POC1A: variants seen among roughly 807,000 people sequenced by gnomAD.
POC1A encodes POC1 centriolar protein homolog A.
POC1A carries 34 observed loss-of-function variants against 47.8 expected under a neutral mutation model. The ratio of observed to expected loss-of-function variants is 0.71; its 90% CI spans 0.54 to 0.95. The LOEUF is 0.95. Among genes scored for constraint, POC1A ranks in the 40% least tolerant of loss-of-function variants. The probability of loss-of-function intolerance (pLI) is 0.00; values close to 1 mark genes in which losing one functional copy is unlikely to be tolerated. For missense variants in POC1A, 466 were observed against 528.3 expected, an observed-to-expected ratio of 0.88 and a Z score of 1.16; for synonymous variants, 177 against 207.6, an observed-to-expected ratio of 0.85 and a Z score of 1.27.
rs1315013546 is a variant in POC1A, at chr3:52,104,648, G to GTT, written c.982-7937_982-7936insAA. 3.3e-5 allele frequency among the ~76,000 whole-genome samples: 5 copies of GTT among 152,212 alleles called. No individual in the cohort carries two copies. In the East Asian group the frequency reaches 9.6e-4, roughly 29 times the overall value. ...TTACCAATGGGCCAAACCCAAGGCTGAAGACCCCAGGTGAGGCCCACAAGG... is the reference window on the plus strand; with the variant it reads ...TTACCAATGGGCCAAACCCAAGGCTGTTAAGACCCCAGGTGAGGCCCACAAGG... On this transcript the variant is annotated intron_variant, in intron 9 of 10. Coordinates refer to ENST00000296484, the MANE Select transcript of POC1A (RefSeq NM_015426.5).
chr3:52,122,216 C>T (rs2107089368), intron 9 of POC1A, among the ~76,000 whole-genome samples, 163 bp downstream of exon 9: 1 of 152,370 alleles, frequency 6.6e-6, no homozygotes, highest in South Asian at 2.1e-4. Flanking sequence ...AAACAAAGCA[C>T]CACAACTTCC....
intron 10 of POC1A, among the ~76,000 whole-genome samples, chr3:52,080,530 C>T (rs1352846888): frequency 1.3e-5 from 2 of 152,170 alleles, no homozygotes; most frequent in African/African-American, 4.8e-5. Flanking sequence ...CATGTGTCAC[C>T]TCCCCCTGAA....
intron 7 of POC1A, among the ~76,000 whole-genome samples, chr3:52,130,453 C>G (rs917124681): frequency 2.0e-5 from 3 of 152,242 alleles, no homozygotes; most frequent in African/African-American, 4.8e-5. Context: ...AGGAGGCCAT[C>G]ATAACTCCAC....
Position 52,075,785 on chromosome 3 carries a change from T to C in POC1A, c.*102A>G. ...ATCCAGGGCTCCAGTATGGATGTGA[T>C]TCCCACAGAGTTCAGTCCCCTTTAT... On this transcript the variant is annotated 3_prime_UTR_variant, in exon 11 of 11. Transcript: ENST00000296484. The C allele has an allele frequency of 9.2e-6, 8 of 868,892 alleles. No homozygotes were observed. Among genetic ancestry groups the C allele is most frequent in the African/African-American group, 1.6e-5 (1 of 60,872 alleles). 53.8% of individuals were successfully genotyped at this position (868,892 alleles called of 1,614,324 possible). A position where few individuals can be genotyped will look rare whatever the true frequency, so the allele number is the denominator to read the frequency against.
intron 10 of POC1A, among the ~76,000 whole-genome samples, chr3:52,091,978 G>A (rs1207208352): frequency 6.6e-6 from 1 of 152,208 alleles, no homozygotes; most frequent in African/African-American, 2.4e-5. Context: ...TGACAGGCAG[G>A]TGGCTCACTG....
intron 9 of POC1A, among the ~76,000 whole-genome samples, chr3:52,099,928 A>G (rs1702940282): frequency 6.6e-6 from 1 of 152,212 alleles, no homozygotes; most frequent in Non-Finnish European, 1.5e-5. Flanking sequence ...ACACCAATTC[A>G]ACAACATTTC....
At chr3:52,140,369 C>A (rs567422824) in intron 6 of POC1A, among the ~76,000 whole-genome samples, 7 of 152,308 alleles carry the variant, frequency 4.6e-5, no homozygotes, top group Non-Finnish European at 7.4e-5. Flanking sequence ...GACCCCCCCA[C>A]CAGAAAGTCT....
chr3:52,130,078 A>T (rs1277955009), intron 7 of POC1A, among the ~76,000 whole-genome samples: 2 of 152,128 alleles, frequency 1.3e-5, no homozygotes, highest in Admixed American at 6.5e-5. Flanking sequence ...AGGCCCCTGT[A>T]TGCCTGAACT....
intron 9 of POC1A, among the ~76,000 whole-genome samples, chr3:52,121,714 T>C (rs1703788068): frequency 6.6e-6 from 1 of 152,214 alleles, no homozygotes; most frequent in African/African-American, 2.4e-5. Flanking sequence ...CCTGTGGCCA[T>C]AGGAGCTTAA....
In POC1A at chr3:52,149,451, A is replaced by G. The variant is rs1023249825; in HGVS notation, c.276-62T>C. ...AACAGTGACATGAGAGCCCACAAGC[A>G]CATCAAAGCTCTCCTACTCCTCAAG... On this transcript the variant is annotated intron_variant, in intron 3 of 10. Coordinates refer to ENST00000296484, the MANE Select transcript of POC1A (RefSeq NM_015426.5). The G allele has an allele frequency of 2.0e-6, 3 of 1,490,224 alleles. No homozygotes were observed. In the African/African-American group the frequency reaches 4.1e-5, roughly 21 times the overall value. The allele number at this position is 1,490,224 out of a possible 1,614,324, so 92.3% of individuals were successfully genotyped here.
intron 10 of POC1A, among the ~76,000 whole-genome samples, chr3:52,091,329 G>A (rs1187768924): frequency 6.6e-6 from 1 of 152,200 alleles, no homozygotes; most frequent in East Asian, 1.9e-4. Context: ...GGGGGCTCAA[G>A]GAACAAAAAG....
At chr3:52,139,638 C>T (rs898215404) in intron 6 of POC1A, among the ~76,000 whole-genome samples, 1 of 152,184 alleles carries the variant, frequency 6.6e-6, no homozygotes, top group African/African-American at 2.4e-5. Context: ...TCACTCTTCA[C>T]ATTCACATGC....
At chr3:52,145,199 T>G (rs1698323447) in intron 6 of POC1A, among the ~76,000 whole-genome samples, 1 of 152,108 alleles carries the variant, frequency 6.6e-6, no homozygotes, top group South Asian at 2.1e-4. Context: ...CCCAGTACTC[T>G]CAGCGAACTC....
intron 7 of POC1A, among the ~76,000 whole-genome samples, chr3:52,134,800 C>CA (rs570817861): frequency 0.06 from 6,574 of 110,480 alleles, 410 homozygotes; most frequent in African/African-American, 0.17. Context: ...CACCTGGACT[C>CA]AAAAAAAAAA....
chr3:52,102,154 T>A (rs893275245), intron 9 of POC1A, among the ~76,000 whole-genome samples: 3 of 152,244 alleles, frequency 2.0e-5, no homozygotes, highest in Non-Finnish European at 2.9e-5. Context: ...TTCTTGGAAC[T>A]ATGGTTTGAT....
chr3:52,091,272 GC>G (rs1221071002), intron 10 of POC1A, among the ~76,000 whole-genome samples: 8 of 152,148 alleles, frequency 5.3e-5, no homozygotes, highest in Non-Finnish European at 1.2e-4. Context: ...AGCATGTGAC[GC>G]CCACGCTCCT....
At chr3:52,132,921 G>A (rs1026009206) in intron 7 of POC1A, among the ~76,000 whole-genome samples, 11 of 152,030 alleles carry the variant, frequency 7.2e-5, no homozygotes, top group Middle Eastern at 6.8e-3. Flanking sequence ...TGGCGTGCAC[G>A]TGTAATCCCA....
intron 9 of POC1A, among the ~76,000 whole-genome samples, chr3:52,111,339 G>A (rs913362967): frequency 8.5e-5 from 13 of 152,128 alleles, no homozygotes; most frequent in Non-Finnish European, 1.3e-4. Flanking sequence ...TTGCTACCTG[G>A]AGGCACCTCT....
chr3:52,077,763 G>A (rs1405950655), intron 10 of POC1A, among the ~76,000 whole-genome samples: 7 of 151,942 alleles, frequency 4.6e-5, no homozygotes, highest in Non-Finnish European at 1.5e-5. Context: ...ACTCAAGGCC[G>A]CAGCAGAGGA....
Sources: gnomAD v4.1 joint callset for allele counts (sites outside exome capture counted in the v4.1 genomes callset) on GRCh38, gnomAD v4.1.1 for gene constraint, MANE v1.5 for transcripts, NCBI Gene and HGNC (gene_info 2026-07-23, HGNC 2026-07-21) for gene names.